WDR59: variants seen among roughly 807,000 people sequenced by gnomAD.
WDR59 encodes the protein WD repeat domain 59, also known as GATOR2 complex protein WDR59.
In WDR59, 100 loss-of-function variants were observed where a neutral mutation model predicts 131.2. The ratio of observed to expected loss-of-function variants is 0.76; its 90% CI spans 0.65 to 0.90. The LOEUF (loss-of-function observed/expected upper bound fraction) is 0.90. WDR59 is among the 40% of genes least tolerant of loss of function. The probability of loss-of-function intolerance (pLI) is 0.00; values close to 1 mark genes in which losing one functional copy is unlikely to be tolerated. For missense variants in WDR59, 1,203 were observed against 1,262.2 expected, an observed-to-expected ratio of 0.95 and a Z score of 0.71; for synonymous variants, 601 against 466.2, an observed-to-expected ratio of 1.29 and a Z score of -3.72.
intron 10 of WDR59, among the ~76,000 whole-genome samples, chr16:74,919,290 T>A (rs1347747699): frequency 6.6e-6 from 1 of 152,078 alleles, no homozygotes; most frequent in Non-Finnish European, 1.5e-5. Flanking sequence ...CCCTATGATC[T>A]GGCTTCTCTC....
Position 74,948,538 on chromosome 16 carries a change from A to G in WDR59, c.426T>C (p.Thr142=), listed in dbSNP as rs2032792698. The change falls in exon 6 of 26, where the codon ACT becomes ACC. Residue 142 remains threonine (T), a synonymous_variant. Coordinates refer to ENST00000262144, the MANE Select transcript of WDR59 (RefSeq NM_030581.4). ...ACTCACCAACAGCAGACAGTGCAAC[A>G]GTAGGTTTCCTTGTGTCTCTGAAAT... ...IWDIKDTRKP[T]VALSAVAGAS... 1.2e-6 allele frequency: 2 copies of G among 1,613,868 alleles called. No individual in the cohort carries two copies. The highest frequency in any genetic ancestry group is 2.7e-5 in the African/African-American group (2 of 74,938).
At chr16:74,948,826 C>A (rs951156451) in intron 5 of WDR59, among the ~76,000 whole-genome samples, 1 of 152,066 alleles carries the variant, frequency 6.6e-6, no homozygotes, top group Non-Finnish European at 1.5e-5. Flanking sequence ...CATGATGAAA[C>A]CCCATCTCTA....
intron 2 of WDR59, among the ~76,000 whole-genome samples, chr16:74,964,462 A>C (rs2033685502): frequency 6.6e-6 from 1 of 152,134 alleles, no homozygotes; most frequent in African/African-American, 2.4e-5. Flanking sequence ...GACACACAAA[A>C]AAATGATATA....
intron 15 of WDR59, 62 bp downstream of exon 15, chr16:74,909,760 G>T (rs1251327951): frequency 1.3e-6 from 2 of 1,583,494 alleles, no homozygotes; most frequent in East Asian, 2.2e-5. Flanking sequence ...ATGATTTTAG[G>T]GAGAAAGAAA....
intron 17 of WDR59, among the ~76,000 whole-genome samples, chr16:74,908,414 C>T (rs957266661): frequency 2.0e-5 from 3 of 151,706 alleles, no homozygotes; most frequent in Non-Finnish European, 2.9e-5. Flanking sequence ...CAGATCCTGT[C>T]TCAAAAAAAG....
chr16:74,910,228 A>C (rs1356733421), intron 14 of WDR59, among the ~76,000 whole-genome samples: 1 of 152,116 alleles, frequency 6.6e-6, no homozygotes, highest in Non-Finnish European at 1.5e-5. Context: ...TCGGCCTCCC[A>C]AAGTGCTGGG....
intron 12 of WDR59, 36 bp downstream of exon 12, chr16:74,916,091 T>C (rs779266540): frequency 5.3e-5 from 85 of 1,614,012 alleles, no homozygotes; most frequent in East Asian, 2.2e-5. Flanking sequence ...ATGCGTAGAG[T>C]GGCACCTTAC....
chr16:74,926,478 T>C (rs1433899804), intron 8 of WDR59, among the ~76,000 whole-genome samples: 1 of 152,240 alleles, frequency 6.6e-6, no homozygotes, highest in Admixed American at 6.5e-5. Context: ...GCCACAGATG[T>C]AAGAAGTACT....
chr16:74,883,305 G>T (rs71392621), intron 25 of WDR59, among the ~76,000 whole-genome samples: 5,295 of 152,096 alleles, frequency 0.035, 121 homozygotes, highest in Middle Eastern at 0.075. Context: ...TTACAGGCGT[G>T]AGTCACCGTA....
chr16:74,887,657 G>A (rs377226670), intron 23 of WDR59, 26 bp downstream of exon 23: 120 of 1,611,448 alleles, frequency 7.4e-5, no homozygotes, highest in South Asian at 6.9e-4. Flanking sequence ...AAAATCCAGC[G>A]TGGGCTAAGT....
chr16:74,913,763 C>T (rs1966221497), intron 13 of WDR59, among the ~76,000 whole-genome samples: 1 of 152,114 alleles, frequency 6.6e-6, no homozygotes, highest in Non-Finnish European at 1.5e-5. Context: ...TTCGGGATTG[C>T]CACGGGCTGA....
chr16:74,945,482 TAA>T (rs796605514), intron 6 of WDR59, among the ~76,000 whole-genome samples: 2 of 135,998 alleles, frequency 1.5e-5, no homozygotes, highest in Non-Finnish European at 1.6e-5. Flanking sequence ...GTCTCAAAAA[TAA>T]AAAAAAAAAA....
intron 20 of WDR59, 69 bp downstream of exon 20, chr16:74,892,415 A>T: frequency 7.8e-7 from 1 of 1,283,436 alleles, no homozygotes; most frequent in Non-Finnish European, 1.1e-6. Flanking sequence ...ATTAAATGCC[A>T]ATGACAAAGT....
At chr16:74,972,602 G>A (rs551686322) in intron 1 of WDR59, among the ~76,000 whole-genome samples, 1 of 152,014 alleles carries the variant, frequency 6.6e-6, no homozygotes, top group East Asian at 1.9e-4. Context: ...GGGAGGCCAA[G>A]GTGGGTGGAT....
intron 6 of WDR59, among the ~76,000 whole-genome samples, chr16:74,944,791 A>G (rs182154101): frequency 1.3e-5 from 2 of 152,230 alleles, no homozygotes; most frequent in East Asian, 1.9e-4. Flanking sequence ...ATTTTTTAAG[A>G]AAGATCTATA....
chr16:74,885,768 T>C lies in WDR59; in HGVS notation c.2574A>G (p.Gln858=), dbSNP rs769329278. The C allele has an allele frequency of 1.9e-6, 3 of 1,614,146 alleles. No individual in the cohort carries two copies. The highest frequency in any genetic ancestry group is 1.7e-5 in the Admixed American group (1 of 60,010). The stretch of plus-strand genomic sequence containing the variant: ...CATAGCATTTCTTAAAGTCATCAAA[T>C]TGCTGGGTATTGGCGGGGTCCAGGA... ...KRLLDPANTQ[Q]FDDFKKCYGE... The change falls in exon 25 of 26, where the codon CAA becomes CAG. Residue 858 remains glutamine, a synonymous_variant. Coordinates refer to ENST00000262144, the MANE Select transcript of WDR59 (RefSeq NM_030581.4).
chr16:74,980,888 C>G (rs1421527602), intron 1 of WDR59, among the ~76,000 whole-genome samples: 1 of 150,876 alleles, frequency 6.6e-6, no homozygotes, highest in Non-Finnish European at 1.5e-5. Flanking sequence ...GCACTTGAAC[C>G]CAGGAGGTGG....
intron 1 of WDR59, among the ~76,000 whole-genome samples, chr16:74,971,796 A>C (rs1430214314): frequency 6.6e-6 from 1 of 152,060 alleles, no homozygotes; most frequent in East Asian, 1.9e-4. Context: ...GTAACCCCAA[A>C]CTTCTGGGCT....
chr16:74,877,951 T>G (rs1394292513), intron 25 of WDR59, among the ~76,000 whole-genome samples: 2 of 152,226 alleles, frequency 1.3e-5, no homozygotes, highest in Non-Finnish European at 2.9e-5. Context: ...CTGACAACTC[T>G]TTCTCAAACT....
Sources: allele counts gnomAD v4.1 joint callset (sites outside exome capture counted in the v4.1 genomes callset), GRCh38; gene constraint gnomAD v4.1.1; transcripts MANE v1.5; gene names NCBI Gene and HGNC (gene_info 2026-07-23, HGNC 2026-07-21).